ST18: variants seen among roughly 807,000 people sequenced by gnomAD.
The protein encoded by ST18 is ST18 C2H2C-type zinc finger transcription factor.
Under a neutral mutation model 110.0 loss-of-function variants are expected in ST18, and 50 were observed. That is an observed-to-expected ratio of 0.45 (90% CI 0.36 to 0.58). The LOEUF is 0.58. ST18 is among the 20% of genes least tolerant of loss of function. ST18 has a pLI of 0.00. For missense variants in ST18, 1,306 were observed against 1,280.1 expected, an observed-to-expected ratio of 1.02 and a Z score of -0.31; for synonymous variants, 461 against 452.4, an observed-to-expected ratio of 1.02 and a Z score of -0.24.
chr8:52,138,419 A>G (rs921195847), intron 17 of ST18, among the ~76,000 whole-genome samples: 2 of 152,144 alleles, frequency 1.3e-5, no homozygotes, highest in Non-Finnish European at 2.9e-5. Context: ...TTATCTCTGA[A>G]CCTGGTCATG....
intron 2 of ST18, among the ~76,000 whole-genome samples, chr8:52,348,313 A>G (rs1486802962): frequency 6.6e-6 from 1 of 152,248 alleles, no homozygotes; most frequent in Non-Finnish European, 1.5e-5. Context: ...ATTGGAACTA[A>G]GGAAGACCAT....
At chr8:52,258,537 T>C (rs1186054596) in intron 2 of ST18, among the ~76,000 whole-genome samples, 3 of 152,348 alleles carry the variant, frequency 2.0e-5, no homozygotes, top group Admixed American at 1.3e-4. Flanking sequence ...TTTTAAGCCA[T>C]TGTAAATAAA....
chr8:52,211,468 G>A (rs2082152303), intron 8 of ST18, among the ~76,000 whole-genome samples: 1 of 151,050 alleles, frequency 6.6e-6, no homozygotes, highest in Non-Finnish European at 1.5e-5. Flanking sequence ...GTGCAGTTGT[G>A]TGATCTCAGC....
intron 2 of ST18, among the ~76,000 whole-genome samples, chr8:52,377,917 TA>T (rs1486826435): frequency 6.6e-6 from 1 of 152,122 alleles, no homozygotes; most frequent in Non-Finnish European, 1.5e-5. Context: ...TATTCAGCCA[TA>T]AAAAAGAATA....
chr8:52,265,743 G>T (rs1233851979), intron 2 of ST18, among the ~76,000 whole-genome samples: 1 of 152,210 alleles, frequency 6.6e-6, no homozygotes, highest in Non-Finnish European at 1.5e-5. Context: ...TTGTAGCCAT[G>T]ATAAAATTAA....
rs184054238 is a variant in ST18 at position 52,169,342 on chromosome 8, C to G, written c.1070-2356G>C. On this transcript the variant is annotated intron_variant, in intron 10 of 25. Transcript: ENST00000689386. ...TGGTTTTCCTGGGACTGTCCTCATC[C>G]ACACCTGATGTACTCATGTAATGGT... Among the ~76,000 whole-genome samples the G allele has an allele frequency of 7.2e-5, 11 of 152,214 alleles. No individual in the cohort carries two copies. In the East Asian group the frequency reaches 2.1e-3, roughly 29 times the overall value.
At chr8:52,247,582 A>G (rs1021197713) in intron 2 of ST18, among the ~76,000 whole-genome samples, 1 of 152,220 alleles carries the variant, frequency 6.6e-6, no homozygotes, top group African/African-American at 2.4e-5. Flanking sequence ...TTCTTGTATT[A>G]ACAGGAGGAA....
intron 2 of ST18, chr8:52,407,944 T>G (rs1222275609): frequency 6.6e-6 from 1 of 152,222 alleles, no homozygotes; most frequent in Non-Finnish European, 1.5e-5. Context: ...AAGCTGAATT[T>G]TAATTCAAAT....
chr8:52,300,428 A>G (rs947936529), intron 2 of ST18, among the ~76,000 whole-genome samples: 2 of 152,226 alleles, frequency 1.3e-5, no homozygotes, highest in African/African-American at 4.8e-5. Context: ...AGTAACTTAG[A>G]GAACAGAGAA....
intron 2 of ST18, among the ~76,000 whole-genome samples, chr8:52,348,754 T>C (rs1012245416): frequency 6.6e-6 from 1 of 152,054 alleles, no homozygotes; most frequent in Non-Finnish European, 1.5e-5. Flanking sequence ...TCAAAAAAAA[T>C]TGTATATATT....
At chr8:52,310,078 A>T (rs2095878944) in intron 2 of ST18, among the ~76,000 whole-genome samples, 1 of 152,248 alleles carries the variant, frequency 6.6e-6, no homozygotes, top group Admixed American at 6.5e-5. Flanking sequence ...ATCCATATAT[A>T]TTTTCAATCC....
chr8:52,189,998 A>T (rs949421751), intron 8 of ST18, among the ~76,000 whole-genome samples: 2 of 152,206 alleles, frequency 1.3e-5, no homozygotes, highest in Non-Finnish European at 2.9e-5. Context: ...TATATTCTAG[A>T]TGGAATGGCA....
intron 2 of ST18, among the ~76,000 whole-genome samples, chr8:52,381,030 C>T (rs989551271): frequency 2.0e-5 from 3 of 152,138 alleles, no homozygotes; most frequent in African/African-American, 7.2e-5. Context: ...AGAGAAGAGG[C>T]AGGTTATAAA....
chr8:52,139,774 A>G (rs908647244), intron 17 of ST18, among the ~76,000 whole-genome samples: 3 of 152,008 alleles, frequency 2.0e-5, no homozygotes, highest in South Asian at 2.1e-4. Context: ...TATGCATTCA[A>G]TTAGCTGATA....
intron 2 of ST18, among the ~76,000 whole-genome samples, chr8:52,266,022 C>T (rs2094855782): frequency 6.6e-6 from 1 of 152,088 alleles, no homozygotes; most frequent in African/African-American, 2.4e-5. Context: ...AGAAGGAACA[C>T]GTGGTTAACT....
chr8:52,208,593 G>T (rs533045935), intron 8 of ST18, among the ~76,000 whole-genome samples: 1 of 152,194 alleles, frequency 6.6e-6, no homozygotes, highest in African/African-American at 2.4e-5. Context: ...TTGGGAGGCC[G>T]AGGCGGGAGG....
rs2094224536 is a variant in ST18, at chr8:52,250,547, A to ACCCAAC, written c.-464-20476_-464-20471dup. The stretch of plus-strand genomic sequence containing the variant: ...GTAAATGCATAAACCCTGATTCTTA[A>ACCCAAC]CCCAACCCACAGGGTGCAAACAGAA... On this transcript the variant is annotated intron_variant, in intron 2 of 25. Coordinates refer to ENST00000689386, the MANE Select transcript of ST18 (RefSeq NM_001352837.2). 2.6e-5 allele frequency among the ~76,000 whole-genome samples: 4 copies of ACCCAAC among 151,082 alleles called. No individual in the cohort carries two copies. The South Asian group carries it at 8.4e-4, about 32-fold the overall frequency.
chr8:52,296,932 T>C (rs2095645082), intron 2 of ST18, among the ~76,000 whole-genome samples: 1 of 152,104 alleles, frequency 6.6e-6, no homozygotes, highest in African/African-American at 2.4e-5. Context: ...AAAGAAAATA[T>C]CAATAAGGTA....
rs145700305 is a variant in ST18, at chr8:52,129,484, C to T, written c.2666+2474G>A. Among the ~76,000 whole-genome samples the T allele has an allele frequency of 2.3e-3, 338 of 148,900 alleles. 1 individual carries two copies. Among genetic ancestry groups the T allele is most frequent in the African/African-American group, 7.9e-3 (317 of 40,248 alleles). On this transcript the variant is annotated intron_variant, in intron 22 of 25. Transcript: ENST00000689386. ...AAAAAAAAAAAAAAAGAAAGAAATT[C>T]CACACACAGAAAGGAGAGAGCATTC...
Sources: allele counts gnomAD v4.1 joint callset (sites outside exome capture counted in the v4.1 genomes callset), GRCh38; gene constraint gnomAD v4.1.1; transcripts MANE v1.5; gene names NCBI Gene and HGNC (gene_info 2026-07-23, HGNC 2026-07-21).